Variants in BTBD1 observed in about 807,000 individuals in gnomAD.
BTBD1 encodes the protein BTB/POZ domain-containing protein 1.
A neutral mutation model predicts 48.0 loss-of-function variants in BTBD1; 34 were observed. The observed-to-expected ratio is 0.71, with a 90% CI of 0.54 to 0.94. BTBD1 has a LOEUF of 0.94. BTBD1 is among the 40% of genes least tolerant of loss of function. The pLI is 0.00. For synonymous variants in BTBD1, 261 were observed against 242.1 expected, an observed-to-expected ratio of 1.08 and a Z score of -0.72; for missense variants, 543 against 625.6, an observed-to-expected ratio of 0.87 and a Z score of 1.41.
intron 4 of BTBD1, 99 bp downstream of exon 4, chr15:83,041,629 T>C: frequency 9.1e-7 from 1 of 1,097,026 alleles, no homozygotes; most frequent in Non-Finnish European, 1.4e-6. Flanking sequence ...TGCCTTGGCC[T>C]CTCGAAAGTG....
chr15:83,024,850 C>T (rs891897697), intron 5 of BTBD1, among the ~76,000 whole-genome samples: 12 of 152,158 alleles, frequency 7.9e-5, no homozygotes, highest in African/African-American at 2.9e-4. Flanking sequence ...GAGCCACCCA[C>T]TTCAGCCTCC....
chr15:83,040,317 C>G (rs2151306295), intron 4 of BTBD1, among the ~76,000 whole-genome samples: 1 of 152,276 alleles, frequency 6.6e-6, no homozygotes, highest in Middle Eastern at 3.4e-3. Context: ...ATGCAATCAA[C>G]TGTACCTCAA....
intron 3 of BTBD1, chr15:83,044,566 C>A: frequency 3.1e-6 from 5 of 1,597,648 alleles, no homozygotes; most frequent in Non-Finnish European, 4.3e-6. Flanking sequence ...TTTTCTTGTA[C>A]CCTGGGAGAG....
At chr15:83,031,048 T>C (rs1254575694) in intron 4 of BTBD1, among the ~76,000 whole-genome samples, 1 of 152,236 alleles carries the variant, frequency 6.6e-6, no homozygotes, top group African/African-American at 2.4e-5. Context: ...TACTCAGTAA[T>C]GGGACGGCTG....
chr15:83,022,820 A>C (rs189572924), intron 5 of BTBD1, among the ~76,000 whole-genome samples: 1 of 151,878 alleles, frequency 6.6e-6, no homozygotes, highest in African/African-American at 2.4e-5. Flanking sequence ...AAATTAACTG[A>C]GTGTGGTGGT....
At chr15:83,063,392 T>C (rs1419742455) in intron 1 of BTBD1, among the ~76,000 whole-genome samples, 1 of 152,214 alleles carries the variant, frequency 6.6e-6, no homozygotes, top group Non-Finnish European at 1.5e-5. Flanking sequence ...TTGGATGTCT[T>C]GGAAGTCCTC....
chr15:83,056,573 G>T, intron 1 of BTBD1, 28 bp from the exon 2 acceptor site: 1 of 1,596,598 alleles, frequency 6.3e-7, no homozygotes, highest in South Asian at 1.1e-5. Flanking sequence ...TATTTGCAGA[G>T]ATGGTCAGTA....
chr15:83,033,213 CT>C (rs200503652), intron 4 of BTBD1, among the ~76,000 whole-genome samples: 2 of 151,722 alleles, frequency 1.3e-5, no homozygotes, highest in East Asian at 3.9e-4. Flanking sequence ...GGCCCCATCT[CT>C]TTTTTTAAAA....
intron 3 of BTBD1, chr15:83,044,317 G>A: frequency 1.0e-6 from 1 of 990,414 alleles, no homozygotes; most frequent in Non-Finnish European, 1.5e-6. Context: ...ACAGCAAGCT[G>A]CCCACGCCGA....
chr15:83,058,443 C>A (rs2033123491), intron 1 of BTBD1, among the ~76,000 whole-genome samples: 2 of 152,008 alleles, frequency 1.3e-5, no homozygotes, highest in South Asian at 4.1e-4. Context: ...AACTAGAAAA[C>A]TATGAAATTT....
intron 2 of BTBD1, among the ~76,000 whole-genome samples, chr15:83,056,054 C>T (rs1438102905): frequency 6.6e-6 from 1 of 151,634 alleles, no homozygotes; most frequent in Non-Finnish European, 1.5e-5. Flanking sequence ...GGATTACAAG[C>T]CCGCGCCACC....
intron 3 of BTBD1, among the ~76,000 whole-genome samples, chr15:83,048,388 A>G (rs575827637): frequency 1.3e-5 from 2 of 152,324 alleles, no homozygotes; most frequent in East Asian, 3.9e-4. Flanking sequence ...TTTGTAGCCC[A>G]GAAGACGACA....
At chr15:83,022,978 A>G (rs573301475) in intron 5 of BTBD1, among the ~76,000 whole-genome samples, 2 of 152,200 alleles carry the variant, frequency 1.3e-5, no homozygotes, top group East Asian at 3.9e-4. Flanking sequence ...AATAAATAAT[A>G]CATTGTGCTT....
intron 4 of BTBD1, 100 bp downstream of exon 4, chr15:83,041,628 C>T: frequency 9.3e-7 from 1 of 1,079,356 alleles, no homozygotes; most frequent in Non-Finnish European, 1.4e-6. Flanking sequence ...CTGCCTTGGC[C>T]TCTCGAAAGT....
intron 5 of BTBD1, among the ~76,000 whole-genome samples, chr15:83,027,144 G>A (rs1018352328): frequency 1.3e-5 from 2 of 152,180 alleles, no homozygotes; most frequent in Non-Finnish European, 2.9e-5. Context: ...CCTGAGGTCA[G>A]GAGTTCGGGA....
At chr15:83,031,276 C>T (rs1291924348) in intron 4 of BTBD1, among the ~76,000 whole-genome samples, 1 of 152,124 alleles carries the variant, frequency 6.6e-6, no homozygotes, top group African/African-American at 2.4e-5. Flanking sequence ...TGCTGATGGC[C>T]AGTGATGATG....
Position 83,030,212 on chromosome 15 carries a change from C to T in BTBD1, c.979G>A (p.Gly327Arg). The change falls in exon 5 of 8, where the codon GGA (glycine) becomes AGA (arginine). Residue 327 changes from glycine (G) to arginine (R), a missense_variant. By Grantham distance (125) the Gly-to-Arg change is moderately radical. Transcript: ENST00000261721. ...YIDRPRCCLR[G>R]KECCINRFQQ... ...AATCTATTGATGCAGCATTCCTTTCCCCTGAGACAGCATCTTGGTCGGTCA... is the reference window on the plus strand; with the variant it reads ...AATCTATTGATGCAGCATTCCTTTCTCCTGAGACAGCATCTTGGTCGGTCA... The T allele has an allele frequency of 3.1e-6, 5 of 1,614,038 alleles. No homozygotes were observed. Among genetic ancestry groups the T allele is most frequent in the Non-Finnish European group, 4.2e-6 (5 of 1,180,018 alleles).
chr15:83,044,600 T>C (rs966266857), intron 3 of BTBD1: 5 of 1,592,482 alleles, frequency 3.1e-6, no homozygotes, highest in Non-Finnish European at 3.4e-6. Context: ...CCACAGCTGA[T>C]GGCAGAAAAA....
At chr15:83,036,103 C>CAAAAA (rs563839312) in intron 4 of BTBD1, among the ~76,000 whole-genome samples, 32 of 75,098 alleles carry the variant, frequency 4.3e-4, no homozygotes, top group East Asian at 1.1e-3. Flanking sequence ...GTATCATTAC[C>CAAAAA]AAAAAAAAAA....
Sources: allele counts gnomAD v4.1 joint callset (sites outside exome capture counted in the v4.1 genomes callset), GRCh38; gene constraint gnomAD v4.1.1; transcripts MANE v1.5; gene names NCBI Gene and HGNC (gene_info 2026-07-23, HGNC 2026-07-21).